The following SYNCRIP variants were observed in gnomAD, a reference collection of about 807,000 sequenced individuals.
SYNCRIP encodes the protein synaptotagmin binding cytoplasmic RNA interacting protein.
SYNCRIP carries 9 observed loss-of-function variants against 68.9 expected under a neutral mutation model. The observed-to-expected ratio is 0.13, with a 90% CI of 0.08 to 0.23. SYNCRIP has a LOEUF of 0.23. SYNCRIP is among the 10% of genes least tolerant of loss of function. The pLI is 1.00. For synonymous variants in SYNCRIP, 258 were observed against 254.0 expected, an observed-to-expected ratio of 1.02 and a Z score of -0.15; for missense variants, 414 against 770.6, an observed-to-expected ratio of 0.54 and a Z score of 5.48.
At chr6:85,624,901 C>A (rs989044418) in intron 6 of SYNCRIP, among the ~76,000 whole-genome samples, 4 of 152,132 alleles carry the variant, frequency 2.6e-5, no homozygotes, top group Non-Finnish European at 5.9e-5. Flanking sequence ...CTAATAATGG[C>A]GGCAGCAGCG....
intron 4 of SYNCRIP, among the ~76,000 whole-genome samples, chr6:85,638,735 T>A (rs562920373): frequency 6.6e-6 from 1 of 152,294 alleles, no homozygotes; most frequent in Admixed American, 6.5e-5. Flanking sequence ...GAGTAATAGC[T>A]CATCTTTCCA....
chr6:85,630,039 T>TA (rs1807550084), intron 6 of SYNCRIP, among the ~76,000 whole-genome samples: 1 of 151,240 alleles, frequency 6.6e-6, no homozygotes, highest in Non-Finnish European at 1.5e-5. Context: ...ATCTGGTGAC[T>TA]AAAACCATCA....
At chr6:85,610,950 G>C (rs1805191817), downstream of SYNCRIP, 1 of 151,982 alleles carries the variant, frequency 6.6e-6, no homozygotes, top group Non-Finnish European at 1.5e-5. Context: ...TAAGCACCAG[G>C]AACTAATTTT....
downstream of SYNCRIP, chr6:85,609,994 G>T (rs895256474): frequency 1.3e-5 from 2 of 151,830 alleles, no homozygotes; most frequent in African/African-American, 4.8e-5. Context: ...TTTTACTAAA[G>T]GATTAGTTAT....
intron 7 of SYNCRIP, among the ~76,000 whole-genome samples, chr6:85,623,571 A>AAAAAAACAAAAAAAAAAAAAAC (rs1562087643): frequency 6.8e-6 from 1 of 147,876 alleles, no homozygotes; most frequent in African/African-American, 2.6e-5. Flanking sequence ...CCAAAAAAAA[A>AAAAAAACAAAAAAAAAAAAAAC]AAAAAAAAAA....
At chr6:85,625,333 CCT>C (rs372081146) in intron 6 of SYNCRIP, among the ~76,000 whole-genome samples, 35 of 151,642 alleles carry the variant, frequency 2.3e-4, no homozygotes, top group Non-Finnish European at 7.4e-5. Flanking sequence ...GCTACTTTCT[CCT>C]CTCTCTCTCA....
intron 8 of SYNCRIP, 140 bp downstream of exon 8, chr6:85,622,342 C>A (rs1251366030): frequency 6.0e-6 from 5 of 837,718 alleles, no homozygotes; most frequent in Non-Finnish European, 9.2e-6. Flanking sequence ...GCACTCCAGC[C>A]TGGGAAACAT....
At chr6:85,619,538 A>T in intron 8 of SYNCRIP, 121 bp from the exon 9 acceptor site, 1 of 917,406 alleles carries the variant, frequency 1.1e-6, no homozygotes, top group Non-Finnish European at 1.6e-6. Flanking sequence ...CAGAATATAA[A>T]AAAAAAAAAA....
chr6:85,640,138 C>A, intron 4 of SYNCRIP, 83 bp downstream of exon 4: 2 of 877,984 alleles, frequency 2.3e-6, no homozygotes, highest in South Asian at 1.5e-5. Context: ...AACATACATC[C>A]ATTTCATACC....
intron 6 of SYNCRIP, among the ~76,000 whole-genome samples, chr6:85,629,736 C>T (rs1239614817): frequency 2.6e-5 from 4 of 151,868 alleles, no homozygotes; most frequent in African/African-American, 4.8e-5. Flanking sequence ...GCAGAAGAAT[C>T]GCTTGAACCT....
At chr6:85,625,603 G>A (rs1483932565) in intron 6 of SYNCRIP, among the ~76,000 whole-genome samples, 1 of 152,056 alleles carries the variant, frequency 6.6e-6, no homozygotes, top group East Asian at 1.9e-4. Context: ...GGCCAGGCTG[G>A]TCTCAAACTC....
chr6:85,613,135 G>A (rs1340437075), downstream of SYNCRIP, among the ~76,000 whole-genome samples: 3 of 151,664 alleles, frequency 2.0e-5, no homozygotes, highest in Admixed American at 2.0e-4. Flanking sequence ...CCCTTTGAGT[G>A]AGGAGGCTGG....
At chr6:85,613,031 A>G (rs1226802479), downstream of SYNCRIP, 8 of 1,343,236 alleles carry the variant, frequency 6.0e-6, no homozygotes, top group Non-Finnish European at 8.0e-6. Flanking sequence ...GTAATTCTAA[A>G]TATACTGTCT....
intron 6 of SYNCRIP, among the ~76,000 whole-genome samples, chr6:85,635,407 A>C (rs966549681): frequency 1.3e-5 from 2 of 152,188 alleles, no homozygotes; most frequent in East Asian, 3.9e-4. Context: ...AAGTAACATA[A>C]TTTTGTACTG....
chr6:85,616,134 T>C (rs1042556466), intron 10 of SYNCRIP, among the ~76,000 whole-genome samples: 1 of 152,210 alleles, frequency 6.6e-6, no homozygotes, highest in African/African-American at 2.4e-5. Flanking sequence ...AATCAGCATA[T>C]GCTTACATAC....
chr6:85,608,609 A>G (rs1311625649), exon 12 of SYNCRIP: 2 of 152,106 alleles, frequency 1.3e-5, no homozygotes, highest in Non-Finnish European at 2.9e-5. Flanking sequence ...CTACGGATAA[A>G]TAAAACACAA....
At chr6:85,619,045 G>T in intron 9 of SYNCRIP, 106 bp from the exon 10 acceptor site, 6 of 1,236,340 alleles carry the variant, frequency 4.9e-6, no homozygotes, top group Non-Finnish European at 6.9e-6. Flanking sequence ...ACAAGAGAAA[G>T]CCCCATGCAG....
downstream of SYNCRIP, chr6:85,609,454 T>C (rs1470478187): frequency 6.6e-6 from 1 of 151,948 alleles, no homozygotes; most frequent in Non-Finnish European, 1.5e-5. Context: ...GTTCCTATTT[T>C]ATCATGAGGA....
At position 85,618,912 on chromosome 6, in the gene SYNCRIP, A is replaced by C; in HGVS notation, c.1186T>G (p.Leu396Val). 1 of 1,612,462 alleles carries C rather than the reference A, an allele frequency of 6.2e-7. No homozygotes were observed. Among genetic ancestry groups the C allele is most frequent in the South Asian group, 1.1e-5 (1 of 90,584 alleles). The change falls in exon 10 of 11, where the codon TTG becomes GTG. Residue 396 changes from leucine (L) to valine (V), a missense_variant. By Grantham distance (32) the Leu-to-Val change is conservative. Coordinates refer to ENST00000369622, the MANE Select transcript of SYNCRIP (RefSeq NM_006372.5). ...ACAATTTCAATATTTTCTCCCTCCAAGTCTTTGCCATTCATTTCTTCCATA... is the reference window on the plus strand; with the variant it reads ...ACAATTTCAATATTTTCTCCCTCCACGTCTTTGCCATTCATTTCTTCCATA... ...KAMEEMNGKD[L>V]EGENIEIVFA...
Sources: gnomAD v4.1 joint callset for allele counts (sites outside exome capture counted in the v4.1 genomes callset) on GRCh38, gnomAD v4.1.1 for gene constraint, MANE v1.5 for transcripts, NCBI Gene and HGNC (gene_info 2026-07-23, HGNC 2026-07-21) for gene names.